Variants in CCDC148 observed in about 807,000 individuals in gnomAD.
CCDC148 encodes coiled-coil domain containing 148.
In CCDC148, 89 loss-of-function variants were observed where a neutral mutation model predicts 85.7. The observed-to-expected ratio is 1.04, with a 90% CI of 0.87 to 1.24. The LOEUF (loss-of-function observed/expected upper bound fraction) is 1.24. CCDC148 is among the 50% of genes most tolerant of loss of function. CCDC148 has a pLI of 0.00. For synonymous variants in CCDC148, 230 were observed against 213.9 expected, an observed-to-expected ratio of 1.08 and a Z score of -0.66; for missense variants, 692 against 671.7, an observed-to-expected ratio of 1.03 and a Z score of -0.33.
rs948560450 is a variant in CCDC148 at position 158,263,662 on chromosome 2, A to C, written c.1111-12750T>G. Among the ~76,000 whole-genome samples, 75 of 152,018 alleles carry C rather than the reference A, an allele frequency of 4.9e-4. 1 individual carries two copies. The highest frequency in any genetic ancestry group is 2.9e-5 in the Non-Finnish European group (2 of 67,964). Reference sequence around the variant, plus strand: ...TCAGAGATTTTCCATAAATCTACCAAACCCCAGAAATGACTCCTCTTTTGA... The same window carrying C: ...TCAGAGATTTTCCATAAATCTACCACACCCCAGAAATGACTCCTCTTTTGA... On this transcript the variant is annotated intron_variant, in intron 9 of 13. Coordinates refer to ENST00000283233, the MANE Select transcript of CCDC148 (RefSeq NM_138803.4).
chr2:158,178,450 A>C (rs1684703018), intron 12 of CCDC148, among the ~76,000 whole-genome samples: 1 of 152,164 alleles, frequency 6.6e-6, no homozygotes, highest in South Asian at 2.1e-4. Flanking sequence ...ATTTTCTAAA[A>C]AACTGTTTTT....
intron 11 of CCDC148, among the ~76,000 whole-genome samples, chr2:158,211,342 G>A (rs776927953): frequency 3.9e-5 from 6 of 152,050 alleles, no homozygotes; most frequent in Non-Finnish European, 5.9e-5. Context: ...TGTTCTATTC[G>A]GAATTACAGC....
intron 7 of CCDC148, 165 bp downstream of exon 7, chr2:158,338,561 G>GAAAAAA: frequency 1.9e-6 from 1 of 539,464 alleles, no homozygotes; most frequent in East Asian, 3.4e-5. Context: ...AAATTTTTTT[G>GAAAAAA]AAAAAATAAA....
intron 12 of CCDC148, chr2:158,178,026 C>T (rs1684681745): frequency 6.6e-6 from 1 of 152,046 alleles, no homozygotes; most frequent in South Asian, 2.1e-4. Context: ...TTATTGCAAA[C>T]CTATCAGACA....
intron 1 of CCDC148, among the ~76,000 whole-genome samples, chr2:158,359,436 A>G (rs1418217131): frequency 6.6e-6 from 1 of 152,178 alleles, no homozygotes; most frequent in Non-Finnish European, 1.5e-5. Context: ...GCCCAGCTAG[A>G]TCGATGCAGA....
At chr2:158,427,661 G>C (rs1171482567) in intron 1 of CCDC148, among the ~76,000 whole-genome samples, 3 of 152,056 alleles carry the variant, frequency 2.0e-5, no homozygotes, top group Admixed American at 2.0e-4. Flanking sequence ...CTTGAGCTCA[G>C]GAGTTCGAGA....
intron 10 of CCDC148, among the ~76,000 whole-genome samples, chr2:158,234,092 C>G (rs1352500333): frequency 6.6e-6 from 1 of 152,024 alleles, no homozygotes; most frequent in African/African-American, 2.4e-5. Context: ...AGGAGAATCA[C>G]TTGAACCTGG....
intron 7 of CCDC148, among the ~76,000 whole-genome samples, chr2:158,337,415 C>A (rs1682445198): frequency 6.6e-6 from 1 of 152,140 alleles, no homozygotes; most frequent in African/African-American, 2.4e-5. Context: ...GTTCTAAAAT[C>A]TCTTTAACAA....
chr2:158,210,141 A>C (rs1286404849), intron 11 of CCDC148, among the ~76,000 whole-genome samples: 1 of 152,178 alleles, frequency 6.6e-6, no homozygotes, highest in Non-Finnish European at 1.5e-5. Context: ...TGGAAAGCAA[A>C]AAAAGGCAGG....
intron 11 of CCDC148, among the ~76,000 whole-genome samples, chr2:158,209,663 C>T (rs1686448982): frequency 6.6e-6 from 1 of 152,200 alleles, no homozygotes; most frequent in Admixed American, 6.5e-5. Flanking sequence ...CAATATTCAA[C>T]ATTCTTAAAG....
intron 1 of CCDC148, among the ~76,000 whole-genome samples, chr2:158,396,005 G>A (rs1471066127): frequency 6.6e-6 from 1 of 152,066 alleles, no homozygotes; most frequent in East Asian, 1.9e-4. Flanking sequence ...TTGATGGAAT[G>A]GCTAAGGACA....
intron 1 of CCDC148, among the ~76,000 whole-genome samples, chr2:158,371,076 G>T (rs1684418477): frequency 1.3e-5 from 2 of 151,894 alleles, no homozygotes; most frequent in African/African-American, 4.8e-5. Flanking sequence ...GTACTAAGCA[G>T]AGGCAATAGC....
At chr2:158,435,984 T>A (rs1687632049) in intron 1 of CCDC148, among the ~76,000 whole-genome samples, 2 of 152,146 alleles carry the variant, frequency 1.3e-5, no homozygotes, top group Admixed American at 1.3e-4. Flanking sequence ...AAGCAAGTTC[T>A]TAGAGACCTA....
rs145021152 is a variant in CCDC148 at position 158,420,684 on chromosome 2, G to A, written c.25+35731C>T. On this transcript the variant is annotated intron_variant, in intron 1 of 13. Coordinates refer to ENST00000283233, the MANE Select transcript of CCDC148 (RefSeq NM_138803.4). Reference sequence around the variant, plus strand: ...CTAGGAAGAAACTGCATCAAGTAACGAGCGAAATAACCAGCTAACATCATA... The same window carrying A: ...CTAGGAAGAAACTGCATCAAGTAACAAGCGAAATAACCAGCTAACATCATA... 4.9e-3 allele frequency among the ~76,000 whole-genome samples: 743 copies of A among 152,172 alleles called. 3 individuals carry two copies. Among genetic ancestry groups the A allele is most frequent in the African/African-American group, 0.017 (707 of 41,516 alleles).
chr2:158,421,564 C>A (rs983375158), intron 1 of CCDC148, among the ~76,000 whole-genome samples: 1 of 151,938 alleles, frequency 6.6e-6, no homozygotes, highest in Non-Finnish European at 1.5e-5. Context: ...CAACATACCA[C>A]CACCTCTGGG....
chr2:158,316,821 A>G (rs1268118769), intron 7 of CCDC148, among the ~76,000 whole-genome samples: 1 of 152,192 alleles, frequency 6.6e-6, no homozygotes, highest in Non-Finnish European at 1.5e-5. Flanking sequence ...AAATCTAAGA[A>G]TATTTAAACA....
intron 11 of CCDC148, among the ~76,000 whole-genome samples, chr2:158,196,469 C>T (rs550228829): frequency 1.1e-4 from 17 of 152,064 alleles, no homozygotes; most frequent in Non-Finnish European, 1.0e-4. Context: ...TAAATATGTC[C>T]AGTGCATTAT....
chr2:158,179,285 A>G (rs1204747999), intron 11 of CCDC148, among the ~76,000 whole-genome samples: 1 of 143,316 alleles, frequency 7.0e-6, no homozygotes, highest in East Asian at 2.2e-4. Flanking sequence ...CAGCCTCCCG[A>G]GTAGCTGGGA....
intron 1 of CCDC148, 24 bp from the exon 2 acceptor site, chr2:158,358,594 A>T (rs1683780609): frequency 6.8e-7 from 1 of 1,479,756 alleles, no homozygotes; most frequent in Non-Finnish European, 9.1e-7. Flanking sequence ...AAATAGAAAA[A>T]TGACAAAGAA....
Sources: allele counts gnomAD v4.1 joint callset (sites outside exome capture counted in the v4.1 genomes callset), GRCh38; gene constraint gnomAD v4.1.1; transcripts MANE v1.5; gene names NCBI Gene and HGNC (gene_info 2026-07-23, HGNC 2026-07-21).